Variants in GSG1L observed in about 807,000 individuals in gnomAD.
The protein encoded by GSG1L is GSG1 like.
In GSG1L, 24 loss-of-function variants were observed where a neutral mutation model predicts 42.1. That is an observed-to-expected ratio of 0.57 (90% CI 0.41 to 0.80). The LOEUF is 0.80. GSG1L is among the 30% of genes least tolerant of loss of function. The probability of loss-of-function intolerance (pLI) is 0.00; values close to 1 mark genes in which losing one functional copy is unlikely to be tolerated. For synonymous variants in GSG1L, 215 were observed against 203.5 expected, an observed-to-expected ratio of 1.06 and a Z score of -0.48; for missense variants, 445 against 472.2, an observed-to-expected ratio of 0.94 and a Z score of 0.53.
At chr16:27,947,573 G>GA (rs1164161882) in intron 2 of GSG1L, among the ~76,000 whole-genome samples, 1 of 91,938 alleles carries the variant, frequency 1.1e-5, no homozygotes, top group African/African-American at 3.7e-5. Context: ...AAGAAAGAAA[G>GA]AAAGAAAGAA....
At chr16:27,795,301 C>T (rs1356485955) in intron 6 of GSG1L, among the ~76,000 whole-genome samples, 1 of 152,164 alleles carries the variant, frequency 6.6e-6, no homozygotes, top group African/African-American at 2.4e-5. Context: ...AGGGTTTTTG[C>T]TCAAACTCTC....
intron 2 of GSG1L, among the ~76,000 whole-genome samples, chr16:27,948,579 G>A (rs2084913489): frequency 6.8e-6 from 1 of 146,862 alleles, no homozygotes; most frequent in South Asian, 2.2e-4. Context: ...CCACCATGTT[G>A]GCCAGGCTGG....
intron 4 of GSG1L, among the ~76,000 whole-genome samples, chr16:27,838,992 T>C (rs1398529985): frequency 1.3e-5 from 2 of 152,210 alleles, no homozygotes; most frequent in Non-Finnish European, 2.9e-5. Context: ...CCCTCTCCAG[T>C]TGTCTTTGGG....
At chr16:27,947,005 T>C (rs1451324482) in intron 2 of GSG1L, among the ~76,000 whole-genome samples, 1 of 152,098 alleles carries the variant, frequency 6.6e-6, no homozygotes, top group Non-Finnish European at 1.5e-5. Context: ...ACTAAAAGGA[T>C]CAACAGCACG....
At position 28,063,039 on chromosome 16, in the gene GSG1L, G is replaced by C; in HGVS notation, c.349+37C>G. The C allele has an allele frequency of 7.3e-7, 1 of 1,369,474 alleles. No individual in the cohort carries two copies. Among genetic ancestry groups the C allele is most frequent in the African/African-American group, 1.5e-5 (1 of 65,686 alleles). 84.8% of individuals were successfully genotyped at this position (1,369,474 alleles called of 1,614,324 possible). On this transcript the variant is annotated intron_variant, in intron 1 of 6. Transcript: ENST00000447459. This position sits in a 1 kb window ranked among gnomAD's most constrained non-coding sequence, Gnocchi z 5.8. ...TCGATGGCCGCGCCGCCCCGGGGGA[G>C]CCGGAGCCGAGCTGGCCGCCGCCCG...
chr16:27,888,509 T>TTCTTTCTTTCTTTC (rs1567505994), intron 2 of GSG1L, among the ~76,000 whole-genome samples: 1 of 13,388 alleles, frequency 7.5e-5, no homozygotes, highest in East Asian at 2.5e-3. Flanking sequence ...CTTTCTTTCT[T>TTCTTTCTTTCTTTC]TCTTTCTTTC....
chr16:27,935,493 G>A (rs908798088), intron 2 of GSG1L, among the ~76,000 whole-genome samples: 4 of 135,144 alleles, frequency 3.0e-5, no homozygotes, highest in African/African-American at 9.9e-5. Flanking sequence ...TCGGCTATAC[G>A]CTAGAGACAG....
intron 4 of GSG1L, among the ~76,000 whole-genome samples, chr16:27,842,525 T>C (rs2083397770): frequency 6.6e-6 from 1 of 152,162 alleles, no homozygotes; most frequent in Admixed American, 6.5e-5. Context: ...CAAATATTAG[T>C]TCCCTTCCTC....
At chr16:28,037,855 G>A (rs568189833) in intron 1 of GSG1L, among the ~76,000 whole-genome samples, 93 of 151,970 alleles carry the variant, frequency 6.1e-4, no homozygotes, top group Non-Finnish European at 1.2e-3. Flanking sequence ...TCCCCTCTTG[G>A]GATGCAGCCA....
chr16:27,933,294 G>T (rs2084676802), intron 2 of GSG1L, among the ~76,000 whole-genome samples: 1 of 152,086 alleles, frequency 6.6e-6, no homozygotes, highest in Non-Finnish European at 1.5e-5. Context: ...CCAGAAACAA[G>T]TCCATGAGGG....
chr16:28,027,363 A>C (rs561028950), intron 1 of GSG1L, among the ~76,000 whole-genome samples: 80 of 152,270 alleles, frequency 5.3e-4, no homozygotes, highest in Non-Finnish European at 8.7e-4. Context: ...CCTTTTCTCC[A>C]GAGTTATGGG....
chr16:27,796,517 C>T (rs909916833), intron 6 of GSG1L, among the ~76,000 whole-genome samples: 1 of 152,244 alleles, frequency 6.6e-6, no homozygotes, highest in Non-Finnish European at 1.5e-5. Flanking sequence ...TCTGCTTTCC[C>T]TCACAGTTGC....
Position 27,884,663 on chromosome 16 carries a change from G to A in GSG1L, c.398-25C>T, listed in dbSNP as rs780404424. On this transcript the variant is annotated intron_variant, in intron 2 of 6. Coordinates refer to ENST00000447459, the MANE Select transcript of GSG1L (RefSeq NM_001109763.2). This position sits in a 1 kb window ranked among gnomAD's most constrained non-coding sequence, Gnocchi z 4.4. Reference sequence around the variant, plus strand: ...CCTGTCCAACAGAGGCAGAGAGGCCGTGAGATGAGGGGCCACCCAAGATAG... The same window carrying A: ...CCTGTCCAACAGAGGCAGAGAGGCCATGAGATGAGGGGCCACCCAAGATAG... The A allele has an allele frequency of 1.3e-5, 20 of 1,555,278 alleles. No homozygotes were observed. Among genetic ancestry groups the A allele is most frequent in the East Asian group, 2.4e-5 (1 of 41,376 alleles).
intron 3 of GSG1L, among the ~76,000 whole-genome samples, chr16:27,857,065 A>G (rs767753159): frequency 2.0e-5 from 3 of 152,228 alleles, no homozygotes; most frequent in Non-Finnish European, 2.9e-5. Context: ...TTGGGGGCCC[A>G]TGTGGAAAGA....
intron 2 of GSG1L, among the ~76,000 whole-genome samples, chr16:27,946,700 T>G (rs1342756456): frequency 1.3e-5 from 2 of 149,134 alleles, no homozygotes; most frequent in Admixed American, 6.7e-5. Context: ...AAGAATTAAA[T>G]GAAGCAAGGG....
chr16:28,048,066 A>G (rs2086183295), intron 1 of GSG1L, among the ~76,000 whole-genome samples: 1 of 151,840 alleles, frequency 6.6e-6, no homozygotes, highest in South Asian at 2.1e-4. Flanking sequence ...AAAAAAAAAA[A>G]AAAAAAATTT....
chr16:27,888,456 CT>C (rs1376956200), intron 2 of GSG1L, among the ~76,000 whole-genome samples: 6 of 18,358 alleles, frequency 3.3e-4, no homozygotes, highest in Admixed American at 9.5e-4. Context: ...TTCTTTCTTT[CT>C]TTCTTTCTCT....
intron 1 of GSG1L, among the ~76,000 whole-genome samples, chr16:27,988,670 A>G (rs2085415543): frequency 6.6e-6 from 1 of 151,712 alleles, no homozygotes; most frequent in Non-Finnish European, 1.5e-5. Flanking sequence ...GTAAATTTTC[A>G]TTTTCTCCTT....
intron 1 of GSG1L, among the ~76,000 whole-genome samples, chr16:28,050,381 G>C (rs1048108946): frequency 2.6e-5 from 4 of 152,074 alleles, no homozygotes; most frequent in African/African-American, 9.7e-5. Flanking sequence ...TGCTATGTTG[G>C]TCTTGAACTC....
Sources: gnomAD v4.1 joint callset for allele counts (sites outside exome capture counted in the v4.1 genomes callset) on GRCh38, gnomAD v4.1.1 for gene constraint, Gnocchi (gnomAD v3.1) non-coding constraint, MANE v1.5 for transcripts, NCBI Gene and HGNC (gene_info 2026-07-23, HGNC 2026-07-21) for gene names.